RPS6KA2: variants seen among roughly 807,000 people sequenced by gnomAD.
The protein encoded by RPS6KA2 is ribosomal protein S6 kinase alpha-2.
A neutral mutation model predicts 91.8 loss-of-function variants in RPS6KA2; 42 were observed. The observed-to-expected ratio is 0.46, with a 90% CI of 0.36 to 0.59. The LOEUF is 0.59. RPS6KA2 is among the 20% of genes least tolerant of loss of function. RPS6KA2 has a pLI of 0.00. For synonymous variants in RPS6KA2, 414 were observed against 393.6 expected, an observed-to-expected ratio of 1.05 and a Z score of -0.61; for missense variants, 798 against 978.5, an observed-to-expected ratio of 0.82 and a Z score of 2.46.
At chr6:166,609,998 T>TCCTA (rs1786109347) in intron 1 of RPS6KA2, among the ~76,000 whole-genome samples, 1 of 152,216 alleles carries the variant, frequency 6.6e-6, no homozygotes, top group African/African-American at 2.4e-5. Flanking sequence ...TTCTAATCAT[T>TCCTA]CCTACTCATT....
chr6:166,472,708 T>A (rs1780816701), intron 10 of RPS6KA2, among the ~76,000 whole-genome samples: 1 of 152,104 alleles, frequency 6.6e-6, no homozygotes, highest in Non-Finnish European at 1.5e-5. Context: ...ACTGGACAAA[T>A]GACGGTGAGT....
intron 2 of RPS6KA2, among the ~76,000 whole-genome samples, chr6:166,822,151 C>T (rs1244592749): frequency 6.6e-6 from 1 of 152,228 alleles, no homozygotes; most frequent in Non-Finnish European, 1.5e-5. Context: ...TAAAGAAAAT[C>T]TGACTCTAGC....
chr6:166,539,170 G>A (rs1409229461), intron 1 of RPS6KA2, among the ~76,000 whole-genome samples: 2 of 152,074 alleles, frequency 1.3e-5, no homozygotes, highest in African/African-American at 2.4e-5. Context: ...CACCTGCCTC[G>A]GCCTCCCAAA....
chr6:166,617,171 A>G (rs1786445947), intron 1 of RPS6KA2, among the ~76,000 whole-genome samples: 1 of 152,250 alleles, frequency 6.6e-6, no homozygotes, highest in African/African-American at 2.4e-5. Context: ...TCTATCAGCA[A>G]TGTCACGAAG....
intron 11 of RPS6KA2, among the ~76,000 whole-genome samples, chr6:166,466,778 AT>A (rs1178906072): frequency 6.6e-6 from 1 of 152,204 alleles, no homozygotes; most frequent in Non-Finnish European, 1.5e-5. Flanking sequence ...TCACTGACTC[AT>A]TCACTTATTC....
intron 1 of RPS6KA2, among the ~76,000 whole-genome samples, chr6:166,580,251 C>G (rs1784962624): frequency 6.6e-6 from 1 of 152,240 alleles, no homozygotes; most frequent in Admixed American, 6.5e-5. Flanking sequence ...TCTCAGGGAC[C>G]TGAGGGCCGG....
At chr6:166,839,142 T>C (rs1780395074) in intron 2 of RPS6KA2, among the ~76,000 whole-genome samples, 1 of 152,186 alleles carries the variant, frequency 6.6e-6, no homozygotes, top group African/African-American at 2.4e-5. Flanking sequence ...TTGTGGTGAT[T>C]AGTTCCAGCA....
chr6:166,463,336 A>C (rs1390430095), intron 11 of RPS6KA2: 1 of 152,234 alleles, frequency 6.6e-6, no homozygotes, highest in African/African-American at 2.4e-5. Context: ...TTCTGAGCTT[A>C]ACGAGACAGA....
At chr6:166,807,338 C>T (rs1779517541) in intron 2 of RPS6KA2, among the ~76,000 whole-genome samples, 1 of 152,130 alleles carries the variant, frequency 6.6e-6, no homozygotes. Flanking sequence ...GGTATCAATC[C>T]CTCAGAAAAT....
intron 1 of RPS6KA2, among the ~76,000 whole-genome samples, chr6:166,620,228 T>C (rs916741333): frequency 6.6e-6 from 1 of 152,262 alleles, no homozygotes; most frequent in Non-Finnish European, 1.5e-5. Context: ...TTCTTTTCTT[T>C]GGCAACAGGA....
chr6:166,782,863 C>T (rs994592732), intron 2 of RPS6KA2, among the ~76,000 whole-genome samples: 10 of 152,140 alleles, frequency 6.6e-5, no homozygotes, highest in African/African-American at 2.4e-4. Flanking sequence ...CTTAAGCTGA[C>T]TCAGCAGAGT....
chr6:166,658,862 T>C lies in RPS6KA2; in HGVS notation c.124-120078A>G, dbSNP rs1288236296. The stretch of plus-strand genomic sequence containing the variant: ...AGAGACTCTCTCTGGAACTCGCCCC[T>C]GCTCTGTACAAGACACATGGGTCAG... On this transcript the variant is annotated intron_variant, in intron 2 of 21. Transcript: ENST00000503859. Among the ~76,000 whole-genome samples the C allele has an allele frequency of 5.3e-5, 8 of 152,328 alleles. No individual in the cohort carries two copies. In the East Asian group the frequency reaches 1.5e-3, roughly 29 times the overall value.
At position 166,448,550 on chromosome 6, in the gene RPS6KA2, G is replaced by A. The variant is rs964101564; in HGVS notation, c.1332+174C>T. Among the ~76,000 whole-genome samples, 3 of 152,210 alleles carry A rather than the reference G, an allele frequency of 2.0e-5. No homozygotes were observed. The highest frequency in any genetic ancestry group is 2.9e-5 in the Non-Finnish European group (2 of 68,034). On this transcript the variant is annotated intron_variant, in intron 14 of 20. Coordinates refer to ENST00000265678, the MANE Select transcript of RPS6KA2 (RefSeq NM_021135.6). The surrounding 1 kb of genome is among the most constrained non-coding windows in gnomAD (Gnocchi z 4.7). ...GGAGTCACTGCACAGCTGAGCACGT[G>A]AGCACATATGCTGTGCTCCTATGCT...
chr6:166,762,862 A>C (rs1040441555), intron 2 of RPS6KA2, among the ~76,000 whole-genome samples: 1 of 152,226 alleles, frequency 6.6e-6, no homozygotes, highest in Non-Finnish European at 1.5e-5. Context: ...ACAGGTGGAA[A>C]CACAGGTACA....
At chr6:166,525,130 T>C (rs1205534510) in intron 3 of RPS6KA2, among the ~76,000 whole-genome samples, 2 of 152,212 alleles carry the variant, frequency 1.3e-5, no homozygotes, top group African/African-American at 4.8e-5. Context: ...AAGATGAGGC[T>C]TGGTTCATTC....
At chr6:166,466,036 G>A (rs1199855038) in intron 11 of RPS6KA2, among the ~76,000 whole-genome samples, 2 of 152,174 alleles carry the variant, frequency 1.3e-5, no homozygotes. Context: ...AAGGAAACAC[G>A]CCTGGTTCTG....
Position 166,460,000 on chromosome 6 carries a change from C to T in RPS6KA2, c.973-449G>A, listed in dbSNP as rs990928134. Among the ~76,000 whole-genome samples the T allele has an allele frequency of 4.1e-4, 63 of 152,204 alleles. No individual in the cohort carries two copies. The highest frequency in any genetic ancestry group is 1.5e-3 in the African/African-American group (63 of 41,444). ...CCCTGGGACTTTGGGGCCAGCACCACGGAACTTCAGCTCTGCGGGGCACTG... is the reference window on the plus strand; with the variant it reads ...CCCTGGGACTTTGGGGCCAGCACCATGGAACTTCAGCTCTGCGGGGCACTG... On this transcript the variant is annotated intron_variant, in intron 11 of 20. Coordinates refer to ENST00000265678, the MANE Select transcript of RPS6KA2 (RefSeq NM_021135.6). The surrounding 1 kb of genome is among the most constrained non-coding windows in gnomAD (Gnocchi z 4.9).
At chr6:166,631,456 C>G (rs1787072052), upstream of RPS6KA2, among the ~76,000 whole-genome samples, 1 of 152,238 alleles carries the variant, frequency 6.6e-6, no homozygotes, top group African/African-American at 2.4e-5. Flanking sequence ...ACAGGGCTCA[C>G]AGAAGGTGGG....
At chr6:166,432,308 G>C (rs1779161403) in intron 15 of RPS6KA2, 93 bp downstream of exon 15, 8 of 796,718 alleles carry the variant, frequency 1.0e-5, no homozygotes, top group Non-Finnish European at 1.5e-5. Context: ...ACAGGCATGA[G>C]ATGTGAGAAA....
Sources: allele counts gnomAD v4.1 joint callset (sites outside exome capture counted in the v4.1 genomes callset), GRCh38; gene constraint gnomAD v4.1.1; non-coding constraint Gnocchi (gnomAD v3.1); transcripts MANE v1.5; gene names NCBI Gene and HGNC (gene_info 2026-07-23, HGNC 2026-07-21).